The following NALF1 variants were observed in gnomAD, a reference collection of about 807,000 sequenced individuals.
The protein encoded by NALF1 is NALCN channel auxiliary factor 1.
A neutral mutation model predicts 48.4 loss-of-function variants in NALF1; 3 were observed. The observed-to-expected ratio is 0.06, with a 90% CI of 0.03 to 0.16. NALF1 has a LOEUF of 0.16. Ranked by LOEUF, NALF1 falls within the 10% of genes least tolerant of loss-of-function variation. The pLI, the probability that NALF1 is intolerant of heterozygous loss-of-function variation, is 1.00. For missense variants in NALF1, 526 were observed against 571.5 expected, an observed-to-expected ratio of 0.92 and a Z score of 0.81; for synonymous variants, 262 against 245.7, an observed-to-expected ratio of 1.07 and a Z score of -0.62.
At chr13:107,662,673 A>G (rs769943443) in intron 1 of NALF1, among the ~76,000 whole-genome samples, 1 of 152,214 alleles carries the variant, frequency 6.6e-6, no homozygotes, top group Admixed American at 6.5e-5. Flanking sequence ...ATTATGTATT[A>G]TAATTTTAAA....
At chr13:107,368,775 C>A (rs947126273) in intron 1 of NALF1, among the ~76,000 whole-genome samples, 2 of 152,162 alleles carry the variant, frequency 1.3e-5, no homozygotes, top group South Asian at 2.1e-4. Context: ...ACCCCTTTTC[C>A]AAATAGGCAA....
At chr13:107,581,656 T>C (rs1018029873) in intron 1 of NALF1, among the ~76,000 whole-genome samples, 2 of 152,168 alleles carry the variant, frequency 1.3e-5, no homozygotes, top group East Asian at 3.8e-4. Flanking sequence ...TATATTCCAA[T>C]ACATGTCTGG....
intron 1 of NALF1, among the ~76,000 whole-genome samples, chr13:107,535,875 A>C (rs899599252): frequency 6.6e-6 from 1 of 152,200 alleles, no homozygotes; most frequent in African/African-American, 2.4e-5. Context: ...GTACCAAAAC[A>C]GAGATATAGA....
chr13:107,207,008 AG>A lies in NALF1; in HGVS notation c.1087+3575del, dbSNP rs1192225158. The stretch of plus-strand genomic sequence containing the variant: ...CCACCTATTCCTTTAATTCTTAGTG[AG>A]AAATGATTGCATTTTAACATCTAGA... On this transcript the variant is annotated intron_variant, in intron 2 of 2. Coordinates refer to ENST00000375915, the MANE Select transcript of NALF1 (RefSeq NM_001080396.3). 2.6e-5 allele frequency among the ~76,000 whole-genome samples: 4 copies of A among 152,204 alleles called. No homozygotes were observed. The East Asian group carries it at 7.7e-4, about 29-fold the overall frequency.
intron 1 of NALF1, among the ~76,000 whole-genome samples, chr13:107,281,580 A>C (rs1881388694): frequency 6.6e-6 from 1 of 152,210 alleles, no homozygotes; most frequent in Non-Finnish European, 1.5e-5. Flanking sequence ...AGAAGGGATG[A>C]GTTATCTCTC....
At chr13:107,462,338 T>C (rs187212746) in intron 1 of NALF1, among the ~76,000 whole-genome samples, 2 of 152,226 alleles carry the variant, frequency 1.3e-5, no homozygotes, top group Non-Finnish European at 2.9e-5. Flanking sequence ...TCTGAATTAA[T>C]GAAATAATCT....
intron 2 of NALF1, among the ~76,000 whole-genome samples, chr13:107,173,160 A>G (rs1266075484): frequency 1.3e-5 from 2 of 152,196 alleles, no homozygotes; most frequent in Non-Finnish European, 2.9e-5. Flanking sequence ...ATTTAGCTGC[A>G]TTTCTGAGAA....
At chr13:107,624,794 G>A (rs1441015864) in intron 1 of NALF1, among the ~76,000 whole-genome samples, 1 of 152,188 alleles carries the variant, frequency 6.6e-6, no homozygotes, top group Non-Finnish European at 1.5e-5. Flanking sequence ...TCTCAGCAAG[G>A]AATAATGGTT....
intron 1 of NALF1, among the ~76,000 whole-genome samples, chr13:107,702,893 T>C (rs1001436350): frequency 6.6e-6 from 1 of 152,228 alleles, no homozygotes; most frequent in African/African-American, 2.4e-5. Context: ...TTTTTATGGC[T>C]GTATAGTATC....
intron 1 of NALF1, among the ~76,000 whole-genome samples, chr13:107,760,164 A>G (rs1877225306): frequency 1.3e-5 from 2 of 152,386 alleles, no homozygotes; most frequent in South Asian, 4.1e-4. Flanking sequence ...AAATATGTAC[A>G]GAGTTATTGC....
chr13:107,537,126 T>C (rs1392226088), intron 1 of NALF1, among the ~76,000 whole-genome samples: 1 of 152,052 alleles, frequency 6.6e-6, no homozygotes, highest in African/African-American at 2.4e-5. Context: ...ATATACCTAA[T>C]GTAAATGACG....
intron 1 of NALF1, among the ~76,000 whole-genome samples, chr13:107,645,745 T>C (rs1392849943): frequency 6.6e-6 from 1 of 151,930 alleles, no homozygotes; most frequent in East Asian, 1.9e-4. Flanking sequence ...CCTGGTTTCT[T>C]AGACTTCTGC....
intron 1 of NALF1, among the ~76,000 whole-genome samples, chr13:107,419,769 C>G (rs1363695016): frequency 1.3e-5 from 2 of 152,186 alleles, no homozygotes; most frequent in Non-Finnish European, 2.9e-5. Flanking sequence ...AATCTAATCA[C>G]ATGAACAAGT....
intron 1 of NALF1, among the ~76,000 whole-genome samples, chr13:107,322,017 T>C (rs1264330019): frequency 6.6e-6 from 1 of 152,140 alleles, no homozygotes; most frequent in Non-Finnish European, 1.5e-5. Context: ...TAGCTTATCA[T>C]GGATACAGAG....
intron 1 of NALF1, among the ~76,000 whole-genome samples, chr13:107,708,759 T>C (rs971159886): frequency 6.6e-5 from 10 of 152,276 alleles, no homozygotes; most frequent in African/African-American, 2.2e-4. Context: ...CCAGGGTACA[T>C]GTGCAGGATG....
At chr13:107,709,302 C>A (rs537115273) in intron 1 of NALF1, among the ~76,000 whole-genome samples, 1 of 152,078 alleles carries the variant, frequency 6.6e-6, no homozygotes, top group Non-Finnish European at 1.5e-5. Flanking sequence ...AAATTTTCTA[C>A]GGCAGAAGAG....
chr13:107,862,325 T>C (rs1336992290), intron 1 of NALF1, among the ~76,000 whole-genome samples: 1 of 152,110 alleles, frequency 6.6e-6, no homozygotes, highest in Non-Finnish European at 1.5e-5. Flanking sequence ...AAATCAAGCA[T>C]GTTTATAATA....
intron 1 of NALF1, among the ~76,000 whole-genome samples, chr13:107,810,425 T>G (rs1163650418): frequency 6.6e-6 from 1 of 152,092 alleles, no homozygotes; most frequent in Non-Finnish European, 1.5e-5. Flanking sequence ...CTTTTCTTCT[T>G]GCTCTCTAGG....
At chr13:107,780,799 G>C (rs1403426638) in intron 1 of NALF1, among the ~76,000 whole-genome samples, 1 of 152,160 alleles carries the variant, frequency 6.6e-6, no homozygotes, top group Non-Finnish European at 1.5e-5. Context: ...TTTCTGTAAA[G>C]TGCTAGGCAA....
Sources: gnomAD v4.1 joint callset for allele counts (sites outside exome capture counted in the v4.1 genomes callset) on GRCh38, gnomAD v4.1.1 for gene constraint, MANE v1.5 for transcripts, NCBI Gene and HGNC (gene_info 2026-07-23, HGNC 2026-07-21) for gene names.